PTPRD: variants seen among roughly 807,000 people sequenced by gnomAD.
PTPRD encodes receptor-type tyrosine-protein phosphatase delta.
A neutral mutation model predicts 214.5 loss-of-function variants in PTPRD; 34 were observed. The ratio of observed to expected loss-of-function variants is 0.16; its 90% CI spans 0.12 to 0.21. The LOEUF is 0.21. PTPRD is among the 10% of genes least tolerant of loss of function. PTPRD has a pLI of 1.00. For missense variants in PTPRD, 2,545 were observed against 2,398.7 expected (o/e 1.06, Z -1.27); for synonymous variants, 1,128 against 845.7 (o/e 1.33, Z -5.79).
intron 9 of PTPRD, among the ~76,000 whole-genome samples, chr9:9,377,813 C>T (rs2061191499): frequency 6.6e-6 from 1 of 152,100 alleles, no homozygotes; most frequent in Non-Finnish European, 1.5e-5. Flanking sequence ...TGAGACACGG[C>T]AGGGTCATAC....
chr9:9,698,023 C>T (rs1458090398), intron 7 of PTPRD, among the ~76,000 whole-genome samples: 1 of 152,102 alleles, frequency 6.6e-6, no homozygotes, highest in African/African-American at 2.4e-5. Context: ...TGTTAAATTT[C>T]CCTGATAAAT....
chr9:10,287,322 C>A (rs16925711), intron 3 of PTPRD, among the ~76,000 whole-genome samples: 2 of 152,046 alleles, frequency 1.3e-5, no homozygotes, highest in African/African-American at 4.8e-5. Flanking sequence ...AGGGCCAAAC[C>A]GGCTTAAAAC....
intron 39 of PTPRD, among the ~76,000 whole-genome samples, chr9:8,349,454 G>C (rs966048133): frequency 2.6e-5 from 4 of 152,050 alleles, no homozygotes; most frequent in African/African-American, 9.7e-5. Context: ...ACTTCTAAAA[G>C]CAAATGCATT....
chr9:10,443,021 A>G (rs1282628566), intron 2 of PTPRD, among the ~76,000 whole-genome samples: 7 of 151,102 alleles, frequency 4.6e-5, no homozygotes, highest in South Asian at 2.1e-4. Context: ...GCATAGAATT[A>G]TACATTTTAA....
chr9:8,507,174 A>T, intron 22 of PTPRD, 127 bp downstream of exon 22: 2 of 1,083,272 alleles, frequency 1.8e-6, no homozygotes, highest in Non-Finnish European at 2.5e-6. Context: ...TCCTCTTTTA[A>T]TTAGTAAATC....
Position 9,551,706 on chromosome 9 carries a change from C to A in PTPRD, c.-237+23026G>T, listed in dbSNP as rs575299564. On this transcript the variant is annotated intron_variant, in intron 8 of 45. Transcript: ENST00000381196. ...TAATGGTGAATTAGTACATGCCAGTCCTACTGCATATAGCCTGGGATAAAA... is the reference window on the plus strand; with the variant it reads ...TAATGGTGAATTAGTACATGCCAGTACTACTGCATATAGCCTGGGATAAAA... Among the ~76,000 whole-genome samples, 6 of 152,084 alleles carry A rather than the reference C, an allele frequency of 3.9e-5. No homozygotes were observed. In the South Asian group the frequency reaches 1.2e-3, roughly 32 times the overall value.
chr9:9,854,457 G>C (rs913346195), intron 5 of PTPRD, among the ~76,000 whole-genome samples: 3 of 151,752 alleles, frequency 2.0e-5, no homozygotes, highest in African/African-American at 7.3e-5. Context: ...TTGTCAAGGA[G>C]TAACTTACAA....
intron 3 of PTPRD, among the ~76,000 whole-genome samples, chr9:10,230,389 C>G (rs1224515378): frequency 1.3e-5 from 2 of 151,380 alleles, no homozygotes; most frequent in Non-Finnish European, 3.0e-5. Flanking sequence ...CTTACCAAAA[C>G]AGCTATCTAT....
chr9:9,592,201 T>G (rs1358709292), intron 7 of PTPRD, among the ~76,000 whole-genome samples: 2 of 152,072 alleles, frequency 1.3e-5, no homozygotes, highest in African/African-American at 4.8e-5. Flanking sequence ...ATAAAGCATA[T>G]AAAATCTTAG....
rs560663148 is a variant in PTPRD, at chr9:8,501,149, A to G, written c.1823-90T>C. 4.2e-6 allele frequency: 4 copies of G among 955,786 alleles called. No individual in the cohort carries two copies. In the African/African-American group the frequency reaches 6.6e-5, roughly 16 times the overall value. 59.2% of individuals were successfully genotyped at this position (955,786 alleles called of 1,614,324 possible). ...TGATAAAACAAAAGAAAAGGCAAAA[A>G]TAAATAAACGAACAATAAGGACAAA... On this transcript the variant is annotated intron_variant, in intron 23 of 45. Coordinates refer to ENST00000381196, the MANE Select transcript of PTPRD (RefSeq NM_002839.4).
chr9:10,353,793 T>C (rs2097221414), intron 2 of PTPRD, among the ~76,000 whole-genome samples: 6 of 152,084 alleles, frequency 3.9e-5, no homozygotes, highest in Admixed American at 3.3e-4. Context: ...AAAAAAGGCG[T>C]TGGAATAATT....
chr9:9,547,293 C>T (rs1048973497), intron 8 of PTPRD, among the ~76,000 whole-genome samples: 2 of 152,120 alleles, frequency 1.3e-5, no homozygotes, highest in African/African-American at 2.4e-5. Flanking sequence ...ATGTGCAGAG[C>T]TTACTACAGT....
chr9:9,792,367 G>A (rs1045481783), intron 5 of PTPRD, among the ~76,000 whole-genome samples: 1 of 152,114 alleles, frequency 6.6e-6, no homozygotes, highest in Non-Finnish European at 1.5e-5. Context: ...AAGGGTAGAA[G>A]GAAGCGAGAG....
chr9:8,858,824 CACACATACACACACACAG>C (rs1428366886), intron 11 of PTPRD, among the ~76,000 whole-genome samples: 10 of 140,374 alleles, frequency 7.1e-5, no homozygotes, highest in African/African-American at 7.9e-5. Flanking sequence ...CACACACACA[CACACATACACACACACAG>C]ACACACAGAC....
chr9:8,673,069 C>A (rs550291587), intron 12 of PTPRD, among the ~76,000 whole-genome samples: 1 of 151,774 alleles, frequency 6.6e-6, no homozygotes. Context: ...GATTTTTTTT[C>A]TACTAAGATA....
chr9:10,476,605 C>A (rs761909745), intron 2 of PTPRD, among the ~76,000 whole-genome samples: 2 of 152,090 alleles, frequency 1.3e-5, no homozygotes, highest in Admixed American at 6.6e-5. Context: ...ATCAAGCTAC[C>A]ATTGACCTTC....
chr9:9,715,159 T>C (rs1012470677), intron 7 of PTPRD, among the ~76,000 whole-genome samples: 3 of 152,222 alleles, frequency 2.0e-5, no homozygotes, highest in African/African-American at 2.4e-5. Context: ...ATTTTCTGTA[T>C]GTAAAGCAAG....
chr9:10,023,007 T>A (rs2096853380), intron 4 of PTPRD, among the ~76,000 whole-genome samples: 1 of 152,202 alleles, frequency 6.6e-6, no homozygotes, highest in Admixed American at 6.5e-5. Flanking sequence ...AATATTGTAC[T>A]AGACGCATAT....
intron 3 of PTPRD, among the ~76,000 whole-genome samples, chr9:10,050,404 A>C (rs1403053949): frequency 1.3e-5 from 2 of 151,424 alleles, no homozygotes; most frequent in Non-Finnish European, 2.9e-5. Flanking sequence ...CTAAAAATAC[A>C]AAAAAACTAG....
Sources: gnomAD v4.1 joint callset for allele counts (sites outside exome capture counted in the v4.1 genomes callset) on GRCh38, gnomAD v4.1.1 for gene constraint, MANE v1.5 for transcripts, NCBI Gene and HGNC (gene_info 2026-07-23, HGNC 2026-07-21) for gene names.